CADPS2: variants seen among roughly 807,000 people sequenced by gnomAD.
The protein encoded by CADPS2 is calcium-dependent secretion activator 2.
Under a neutral mutation model 172.5 loss-of-function variants are expected in CADPS2, and 93 were observed. That is an observed-to-expected ratio of 0.54 (90% CI 0.46 to 0.64). The LOEUF (loss-of-function observed/expected upper bound fraction) is 0.64. CADPS2 is among the 30% of genes least tolerant of loss of function. CADPS2 has a pLI of 0.00. For synonymous variants in CADPS2, 546 were observed against 555.2 expected, an observed-to-expected ratio of 0.98 and a Z score of 0.23; for missense variants, 1,420 against 1,565.9, an observed-to-expected ratio of 0.91 and a Z score of 1.57.
At chr7:122,788,227 C>G (rs1423205356) in intron 1 of CADPS2, among the ~76,000 whole-genome samples, 1 of 152,164 alleles carries the variant, frequency 6.6e-6, no homozygotes, top group East Asian at 1.9e-4. Context: ...TTCTGACTCA[C>G]TGGGAAACTT....
At chr7:122,732,795 C>CATTATATATTATATACATAATGTAT (rs1554374220) in intron 2 of CADPS2, among the ~76,000 whole-genome samples, 51 of 138,280 alleles carry the variant, frequency 3.7e-4, no homozygotes, top group South Asian at 2.2e-3. Flanking sequence ...AATATATATA[C>CATTATATATTATATACATAATGTAT]ATTATATATT....
intron 27 of CADPS2, among the ~76,000 whole-genome samples, chr7:122,359,254 C>T (rs79081910): frequency 0.14 from 21,483 of 151,890 alleles, 1,565 homozygotes; most frequent in Non-Finnish European, 0.15. Context: ...GAGATTAGAA[C>T]GAGGATTAAT....
chr7:122,666,983 G>T (rs1013252388), intron 2 of CADPS2, among the ~76,000 whole-genome samples: 6 of 152,110 alleles, frequency 3.9e-5, no homozygotes, highest in African/African-American at 1.2e-4. Flanking sequence ...CTGGGGGAGG[G>T]GGTGCCTCTT....
intron 9 of CADPS2, among the ~76,000 whole-genome samples, chr7:122,504,878 T>C (rs888312121): frequency 1.3e-5 from 2 of 152,180 alleles, no homozygotes; most frequent in African/African-American, 4.8e-5. Flanking sequence ...TTCACAACTT[T>C]TATCAGCAAA....
chr7:122,718,599 T>C (rs146944439), intron 2 of CADPS2, among the ~76,000 whole-genome samples: 119 of 152,224 alleles, frequency 7.8e-4, no homozygotes, highest in African/African-American at 2.8e-3. Context: ...GTTAACAGTC[T>C]AGTGAGTGTA....
rs532574149 is a variant in CADPS2, at chr7:122,875,908, T to C, written c.339+10091A>G. On this transcript the variant is annotated intron_variant, in intron 1 of 29. Coordinates refer to ENST00000449022, the MANE Select transcript of CADPS2 (RefSeq NM_017954.11). ...TCTCTCACGTCTCTCTCCCATTCCCTTGGTCCTCTTTAAAAGCAACAACAA... is the reference window on the plus strand; with the variant it reads ...TCTCTCACGTCTCTCTCCCATTCCCCTGGTCCTCTTTAAAAGCAACAACAA... Among the ~76,000 whole-genome samples, 97 of 152,260 alleles carry C rather than the reference T, an allele frequency of 6.4e-4. No individual in the cohort carries two copies. The Middle Eastern group carries it at 0.014, about 21-fold the overall frequency.
chr7:122,755,786 TCTATA>T (rs1286054508), intron 1 of CADPS2, among the ~76,000 whole-genome samples: 1 of 152,020 alleles, frequency 6.6e-6, no homozygotes, highest in Non-Finnish European at 1.5e-5. Context: ...ATGTTTGTGT[TCTATA>T]CTGATAGGAA....
chr7:122,608,877 T>TA (rs1233724877), intron 6 of CADPS2, among the ~76,000 whole-genome samples: 1 of 152,032 alleles, frequency 6.6e-6, no homozygotes, highest in East Asian at 1.9e-4. Flanking sequence ...ACTGGACACT[T>TA]AAAAATTTGT....
intron 1 of CADPS2, among the ~76,000 whole-genome samples, chr7:122,741,277 T>C (rs745564843): frequency 4.6e-5 from 7 of 152,128 alleles, no homozygotes; most frequent in Non-Finnish European, 7.4e-5. Context: ...ATAAATAACA[T>C]GTATGTGAAT....
chr7:122,732,400 G>C (rs1256793870), intron 2 of CADPS2, among the ~76,000 whole-genome samples: 1 of 150,682 alleles, frequency 6.6e-6, no homozygotes, highest in Non-Finnish European at 1.5e-5. Context: ...GATGGAAAAG[G>C]CTATTCATAA....
Position 122,325,279 on chromosome 7 carries a change from AT to A in CADPS2, c.3717+197del, listed in dbSNP as rs1413054382. 4.3e-4 allele frequency among the ~76,000 whole-genome samples: 66 copies of A among 151,948 alleles called. 1 individual carries two copies. Among genetic ancestry groups the A allele is most frequent in the Admixed American group, 4.2e-3 (64 of 15,234 alleles). On this transcript the variant is annotated intron_variant, in intron 29 of 29. Transcript: ENST00000449022. ...TCAAACTGTGAGTATTTGCTAGCAA[AT>A]TTTTTTTATTAGTGCAAAAAAGATA...
chr7:122,742,216 C>A (rs954976890), intron 1 of CADPS2, among the ~76,000 whole-genome samples: 14 of 151,762 alleles, frequency 9.2e-5, no homozygotes, highest in African/African-American at 3.4e-4. Flanking sequence ...CGTGGTGAAA[C>A]CCCGTCTCTA....
At chr7:122,878,104 A>C (rs1206741209) in intron 1 of CADPS2, among the ~76,000 whole-genome samples, 1 of 151,896 alleles carries the variant, frequency 6.6e-6, no homozygotes, top group Admixed American at 6.6e-5. Context: ...AAAAATACAA[A>C]AATTAGCTGG....
intron 17 of CADPS2, among the ~76,000 whole-genome samples, chr7:122,432,474 T>C (rs905307923): frequency 6.6e-6 from 1 of 151,606 alleles, no homozygotes; most frequent in Non-Finnish European, 1.5e-5. Flanking sequence ...ACCCCATCTC[T>C]ACCAAAAATA....
At chr7:122,580,623 C>G (rs1778249238) in intron 7 of CADPS2, among the ~76,000 whole-genome samples, 1 of 151,896 alleles carries the variant, frequency 6.6e-6, no homozygotes, top group African/African-American at 2.4e-5. Context: ...TAAGGGTATA[C>G]TGGGATTAGA....
intron 6 of CADPS2, among the ~76,000 whole-genome samples, chr7:122,584,886 T>A (rs1006430140): frequency 6.6e-6 from 1 of 152,036 alleles, no homozygotes; most frequent in Admixed American, 6.6e-5. Context: ...TGTAAAATAA[T>A]TGAAATGGGC....
At chr7:122,794,769 C>G (rs1589243282) in intron 1 of CADPS2, among the ~76,000 whole-genome samples, 2 of 151,020 alleles carry the variant, frequency 1.3e-5, no homozygotes, top group East Asian at 1.9e-4. Context: ...AAAAAAAAAC[C>G]CTTTCTGACA....
At chr7:122,741,840 C>T (rs1166703985) in intron 1 of CADPS2, among the ~76,000 whole-genome samples, 3 of 152,146 alleles carry the variant, frequency 2.0e-5, no homozygotes, top group Non-Finnish European at 2.9e-5. Flanking sequence ...TAAGACAAAA[C>T]AGACTGTTAC....
At chr7:122,704,602 A>G (rs1402034369) in intron 2 of CADPS2, among the ~76,000 whole-genome samples, 1 of 152,092 alleles carries the variant, frequency 6.6e-6, no homozygotes, top group Admixed American at 6.6e-5. Flanking sequence ...TCACATCAAA[A>G]GGTTCTCTGT....
Sources: allele counts gnomAD v4.1 joint callset (sites outside exome capture counted in the v4.1 genomes callset), GRCh38; gene constraint gnomAD v4.1.1; transcripts MANE v1.5; gene names NCBI Gene and HGNC (gene_info 2026-07-23, HGNC 2026-07-21).